The following ST18 variants were observed in gnomAD, a reference collection of about 807,000 sequenced individuals.
The protein encoded by ST18 is ST18 C2H2C-type zinc finger transcription factor.
A neutral mutation model predicts 110.0 loss-of-function variants in ST18; 50 were observed. That is an observed-to-expected ratio of 0.45 (90% confidence interval 0.36 to 0.58). The LOEUF is 0.58. Among genes scored for constraint, ST18 ranks in the 20% least tolerant of loss-of-function variants. The pLI, the probability that ST18 is intolerant of heterozygous loss-of-function variation, is 0.00. For synonymous variants in ST18, 461 were observed against 452.4 expected (o/e 1.02, Z -0.24); for missense variants, 1,306 against 1,280.1 (o/e 1.02, Z -0.31).
chr8:52,341,504 G>C (rs751516787), intron 2 of ST18, among the ~76,000 whole-genome samples: 1 of 152,206 alleles, frequency 6.6e-6, no homozygotes, highest in Non-Finnish European at 1.5e-5. Flanking sequence ...ATGGCAAAGG[G>C]CAATCAAGGC....
At chr8:52,161,627 T>A in intron 13 of ST18, 59 bp from the exon 14 acceptor site, 1 of 1,570,408 alleles carries the variant, frequency 6.4e-7, no homozygotes, top group Non-Finnish European at 8.7e-7. Flanking sequence ...GTGAGCACAT[T>A]AGTGTCAGAA....
intron 6 of ST18, among the ~76,000 whole-genome samples, chr8:52,214,831 A>T (rs993199039): frequency 1.1e-4 from 16 of 152,206 alleles, no homozygotes; most frequent in Non-Finnish European, 1.8e-4. Context: ...TAATCATTCA[A>T]ATGTATAAGG....
chr8:52,135,556 G>A (rs143065587), intron 19 of ST18, among the ~76,000 whole-genome samples: 1,561 of 68,432 alleles, frequency 0.023, 41 homozygotes, highest in African/African-American at 0.084. Context: ...CAACAAGACC[G>A]AAACTCCATC....
intron 23 of ST18, among the ~76,000 whole-genome samples, chr8:52,119,676 G>T (rs541330492): frequency 6.6e-6 from 1 of 152,280 alleles, no homozygotes; most frequent in Admixed American, 6.5e-5. Flanking sequence ...CTCGCCAAAA[G>T]CACAACTTGA....
rs547575706 is a variant in ST18, at chr8:52,303,584, G to A, written c.-464-73507C>T. ...AGATCACAGTGGACATAAGTAATGG[G>A]ACCAATACAACTTACACAACATTTG... On this transcript the variant is annotated intron_variant, in intron 2 of 25. Coordinates refer to ENST00000689386, the MANE Select transcript of ST18 (RefSeq NM_001352837.2). 3.6e-4 allele frequency among the ~76,000 whole-genome samples: 55 copies of A among 152,270 alleles called. 3 individuals are homozygous for A. The South Asian group carries it at 0.011, about 29-fold the overall frequency.
rs563336248 is a variant in ST18 at position 52,177,185 on chromosome 8, A to G, written c.277+2937T>C. Among the ~76,000 whole-genome samples, 6 of 152,312 alleles carry G rather than the reference A, an allele frequency of 3.9e-5. No homozygotes were observed. In the South Asian group the frequency reaches 1.2e-3, roughly 32 times the overall value. On this transcript the variant is annotated intron_variant, in intron 9 of 25. Transcript: ENST00000689386. ...CTTATCACTCTTCCTCCCTTCTGGTAGTACTTTGCAAGCTCGTCTCCTCAG... is the reference window on the plus strand; with the variant it reads ...CTTATCACTCTTCCTCCCTTCTGGTGGTACTTTGCAAGCTCGTCTCCTCAG...
At chr8:52,170,945 C>T (rs1251635255) in intron 10 of ST18, among the ~76,000 whole-genome samples, 1 of 152,212 alleles carries the variant, frequency 6.6e-6, no homozygotes, top group African/African-American at 2.4e-5. Flanking sequence ...CTTGGGTCCA[C>T]TGCCCTGATT....
At chr8:52,257,063 G>C (rs983194679) in intron 2 of ST18, among the ~76,000 whole-genome samples, 1 of 152,010 alleles carries the variant, frequency 6.6e-6, no homozygotes, top group Non-Finnish European at 1.5e-5. Flanking sequence ...ATAATATGTT[G>C]TCCTTTATTA....
At chr8:52,256,001 T>C (rs897472455) in intron 2 of ST18, among the ~76,000 whole-genome samples, 1 of 152,138 alleles carries the variant, frequency 6.6e-6, no homozygotes, top group Non-Finnish European at 1.5e-5. Context: ...TTCCCTGGAG[T>C]TCATTCCTTC....
chr8:52,255,309 A>G (rs1173633162), intron 2 of ST18, among the ~76,000 whole-genome samples: 1 of 152,176 alleles, frequency 6.6e-6, no homozygotes, highest in Non-Finnish European at 1.5e-5. Context: ...CCCTGACTCC[A>G]AGTGGACATT....
At chr8:52,409,104 C>T (rs962681337) in intron 2 of ST18, 1 of 152,220 alleles carries the variant, frequency 6.6e-6, no homozygotes, top group Non-Finnish European at 1.5e-5. Context: ...GTGAACATGT[C>T]TTCGACTGCT....
chr8:52,198,209 A>G (rs1294362320), intron 8 of ST18, among the ~76,000 whole-genome samples: 3 of 152,004 alleles, frequency 2.0e-5, no homozygotes, highest in African/African-American at 7.2e-5. Flanking sequence ...GTTTCACCAT[A>G]CTGACCAGGC....
chr8:52,339,140 T>A (rs1813637418), intron 2 of ST18, among the ~76,000 whole-genome samples: 1 of 152,124 alleles, frequency 6.6e-6, no homozygotes, highest in South Asian at 2.1e-4. Context: ...TCCAAGCCCA[T>A]CCAGGCTGTG....
intron 2 of ST18, among the ~76,000 whole-genome samples, chr8:52,242,469 G>T (rs1008300374): frequency 3.3e-5 from 5 of 152,212 alleles, no homozygotes; most frequent in Non-Finnish European, 7.3e-5. Flanking sequence ...ATGATAAACA[G>T]GGAATGCTAG....
At chr8:52,146,335 C>T (rs578235788) in intron 16 of ST18, among the ~76,000 whole-genome samples, 8 of 152,262 alleles carry the variant, frequency 5.3e-5, no homozygotes, top group South Asian at 2.1e-4. Flanking sequence ...CAACTGTTGC[C>T]GCCAACACAC....
intron 16 of ST18, among the ~76,000 whole-genome samples, chr8:52,145,976 G>A (rs2057129378): frequency 6.6e-6 from 1 of 152,110 alleles, no homozygotes; most frequent in Non-Finnish European, 1.5e-5. Context: ...GAGAGAGACA[G>A]ACAATATTTT....
At chr8:52,364,381 C>T (rs1826981930) in intron 2 of ST18, among the ~76,000 whole-genome samples, 2 of 152,122 alleles carry the variant, frequency 1.3e-5, no homozygotes, top group African/African-American at 4.8e-5. Context: ...GCCTGAGGTT[C>T]ATGATGTCTT....
At chr8:52,347,569 T>C (rs960807874) in intron 2 of ST18, among the ~76,000 whole-genome samples, 5 of 152,234 alleles carry the variant, frequency 3.3e-5, no homozygotes, top group Admixed American at 1.3e-4. Context: ...TGATTTTTCC[T>C]CATTTTTCTT....
At chr8:52,293,766 C>T (rs781051785) in intron 2 of ST18, among the ~76,000 whole-genome samples, 1 of 152,098 alleles carries the variant, frequency 6.6e-6, no homozygotes, top group Non-Finnish European at 1.5e-5. Flanking sequence ...GATTATCATG[C>T]AGACTAAATA....
Sources: gnomAD v4.1 joint callset for allele counts (sites outside exome capture counted in the v4.1 genomes callset) on GRCh38, gnomAD v4.1.1 for gene constraint, MANE v1.5 for transcripts, NCBI Gene and HGNC (gene_info 2026-07-23, HGNC 2026-07-21) for gene names.